Variants in UMAD1 observed in about 807,000 individuals in gnomAD.
UMAD1 encodes the protein UBAP1-MVB12-associated (UMA) domain containing 1, also known as UBAP1-MVB12-associated (UMA)-domain containing protein 1.
UMAD1 carries 8 observed loss-of-function variants against 6.1 expected under a neutral mutation model. That is an observed-to-expected ratio of 1.30 (90% CI 0.76 to 2.35). The LOEUF (loss-of-function observed/expected upper bound fraction) is 2.35, where lower values mean the gene tolerates loss of function less well. UMAD1 is among the 30% of genes most tolerant of loss of function. The pLI is 0.00. For synonymous variants in UMAD1, 56 were observed against 31.4 expected, an observed-to-expected ratio of 1.78 and a Z score of -2.61; for missense variants, 130 against 78.4, an observed-to-expected ratio of 1.66 and a Z score of -2.49.
At chr7:7,813,211 T>TTTG (rs35818965) in intron 3 of UMAD1, among the ~76,000 whole-genome samples, 32,536 of 151,850 alleles carry the variant, frequency 0.21, 3,474 homozygotes, top group Middle Eastern at 0.26. Flanking sequence ...GCCAGGTTTC[T>TTTG]TTGTTGTTGT....
chr7:7,816,114 C>T (rs1361857414), intron 3 of UMAD1, among the ~76,000 whole-genome samples: 3 of 152,052 alleles, frequency 2.0e-5, no homozygotes, highest in Non-Finnish European at 2.9e-5. Flanking sequence ...TTTTTACAGA[C>T]GAGGTAGGCA....
At chr7:7,738,257 C>G (rs942103645) in intron 2 of UMAD1, among the ~76,000 whole-genome samples, 7 of 152,202 alleles carry the variant, frequency 4.6e-5, no homozygotes, top group African/African-American at 1.7e-4. Context: ...ATCTGACTCT[C>G]TGAACCTGAA....
At chr7:7,834,673 G>A (rs934211278) in intron 3 of UMAD1, among the ~76,000 whole-genome samples, 1 of 151,812 alleles carries the variant, frequency 6.6e-6, no homozygotes, top group African/African-American at 2.4e-5. Context: ...ATCCCATCAT[G>A]AGGGCCCTAC....
chr7:7,681,757 TC>T lies in UMAD1; in HGVS notation c.82+8306del, dbSNP rs1779919367. On this transcript the variant is annotated intron_variant, in intron 2 of 3. Transcript: ENST00000682710. The stretch of plus-strand genomic sequence containing the variant: ...ACTATTCGTAATTACCAGGGTTTTC[TC>T]CTGTTATGACATGTTTAATTGTACT... Among the ~76,000 whole-genome samples, 3 of 152,284 alleles carry T rather than the reference TC, an allele frequency of 2.0e-5. No homozygotes were observed. In the South Asian group the frequency reaches 6.2e-4, roughly 32 times the overall value.
Position 7,795,791 on chromosome 7 carries a change from A to G in UMAD1, c.83-5879A>G, listed in dbSNP as rs535280423. ...CAGGCCAATACATTATAATTGGCATATAATGAACATTGAGGATGACCAGAG... is the reference window on the plus strand; with the variant it reads ...CAGGCCAATACATTATAATTGGCATGTAATGAACATTGAGGATGACCAGAG... On this transcript the variant is annotated intron_variant, in intron 2 of 3. Coordinates refer to ENST00000682710, the MANE Select transcript of UMAD1 (RefSeq NM_001302348.2). 7.2e-5 allele frequency among the ~76,000 whole-genome samples: 11 copies of G among 152,360 alleles called. No individual in the cohort carries two copies. The East Asian group carries it at 1.9e-3, about 27-fold the overall frequency.
At chr7:7,703,958 G>A (rs1267744975) in intron 2 of UMAD1, among the ~76,000 whole-genome samples, 3 of 150,946 alleles carry the variant, frequency 2.0e-5, no homozygotes, top group African/African-American at 7.3e-5. Context: ...AAAGAAAGAA[G>A]GAAGGAAGGG....
intron 2 of UMAD1, among the ~76,000 whole-genome samples, chr7:7,793,828 C>T (rs1318473726): frequency 6.6e-6 from 1 of 152,076 alleles, no homozygotes; most frequent in Non-Finnish European, 1.5e-5. Context: ...ATTTTATAAC[C>T]AAATTTAACT....
At chr7:7,740,615 A>G (rs1235202419) in intron 2 of UMAD1, 4 of 152,208 alleles carry the variant, frequency 2.6e-5, no homozygotes, top group African/African-American at 4.8e-5. Flanking sequence ...GTAACACTAT[A>G]TACTCTTTTA....
In UMAD1 at chr7:7,873,304, G is replaced by A. The variant is rs17139029; in HGVS notation, c.157-3977G>A. 2.9e-3 allele frequency among the ~76,000 whole-genome samples: 439 copies of A among 152,280 alleles called. 5 individuals carry two copies. The highest frequency in any genetic ancestry group is 9.7e-3 in the African/African-American group (404 of 41,542). The stretch of plus-strand genomic sequence containing the variant: ...GCTCACAGGTGATCAAAGCCCCGGT[G>A]CATATGGAATCTTGAGGTTTTATGG... On this transcript the variant is annotated intron_variant, in intron 3 of 3. Transcript: ENST00000682710.
chr7:7,729,241 G>A (rs1392631515), intron 2 of UMAD1, among the ~76,000 whole-genome samples: 1 of 152,150 alleles, frequency 6.6e-6, no homozygotes, highest in Non-Finnish European at 1.5e-5. Flanking sequence ...ATGGAGCATG[G>A]AACATGATGA....
In UMAD1 at chr7:7,853,248, C is replaced by CA. The variant is rs146069685; in HGVS notation, c.157-24032dup. Among the ~76,000 whole-genome samples, 253 of 152,318 alleles carry CA rather than the reference C, an allele frequency of 1.7e-3. 6 individuals carry two copies. The East Asian group carries it at 0.033, about 20-fold the overall frequency. The stretch of plus-strand genomic sequence containing the variant: ...CTAATATTGCCTAAAATTTTGAAAT[C>CA]AGAGAGTGAGTCCTCCAACTTTGTT... On this transcript the variant is annotated intron_variant, in intron 3 of 3. Coordinates refer to ENST00000682710, the MANE Select transcript of UMAD1 (RefSeq NM_001302348.2).
intron 3 of UMAD1, among the ~76,000 whole-genome samples, chr7:7,815,557 C>G (rs1783109714): frequency 1.3e-5 from 2 of 152,108 alleles, no homozygotes; most frequent in African/African-American, 4.8e-5. Context: ...AATGTTAAGA[C>G]CAAAGTCCTA....
intron 1 of UMAD1, among the ~76,000 whole-genome samples, chr7:7,664,650 C>T (rs1016523359): frequency 6.6e-6 from 1 of 152,176 alleles, no homozygotes; most frequent in African/African-American, 2.4e-5. Flanking sequence ...TTTGTTTATA[C>T]ACATCAGATG....
chr7:7,702,090 G>A (rs1780477011), intron 2 of UMAD1, among the ~76,000 whole-genome samples: 1 of 152,184 alleles, frequency 6.6e-6, no homozygotes, highest in South Asian at 2.1e-4. Flanking sequence ...TGTAAGGGAT[G>A]TCAAGGTAGG....
intron 2 of UMAD1, among the ~76,000 whole-genome samples, chr7:7,790,749 A>T (rs1782553364): frequency 2.0e-5 from 3 of 152,248 alleles, no homozygotes; most frequent in Non-Finnish European, 4.4e-5. Context: ...GACATGTGTG[A>T]CATCTTTAAT....
At chr7:7,732,281 C>T (rs992709300) in intron 2 of UMAD1, among the ~76,000 whole-genome samples, 5 of 151,870 alleles carry the variant, frequency 3.3e-5, no homozygotes, top group African/African-American at 1.2e-4. Context: ...TACTAATTGT[C>T]CTTAACTTCT....
intron 2 of UMAD1, among the ~76,000 whole-genome samples, chr7:7,753,394 A>G (rs965987765): frequency 5.3e-5 from 8 of 152,178 alleles, no homozygotes; most frequent in Non-Finnish European, 1.0e-4. Context: ...GCACCCATTA[A>G]CCATCCCCAT....
At chr7:7,722,179 A>G (rs960349098) in intron 2 of UMAD1, among the ~76,000 whole-genome samples, 1 of 148,016 alleles carries the variant, frequency 6.8e-6, no homozygotes, top group Non-Finnish European at 1.5e-5. Context: ...ATGTATATAT[A>G]TGTATATCTA....
intron 1 of UMAD1, among the ~76,000 whole-genome samples, chr7:7,649,483 T>G (rs1412901906): frequency 6.6e-6 from 1 of 152,236 alleles, no homozygotes; most frequent in Non-Finnish European, 1.5e-5. Context: ...GCAATTAAGT[T>G]TCTAACACAT....
Sources: gnomAD v4.1 joint callset for allele counts (sites outside exome capture counted in the v4.1 genomes callset) on GRCh38, gnomAD v4.1.1 for gene constraint, MANE v1.5 for transcripts, NCBI Gene and HGNC (gene_info 2026-07-23, HGNC 2026-07-21) for gene names.